The following ARHGEF3 variants were observed in gnomAD, a reference collection of about 807,000 sequenced individuals.
The protein encoded by ARHGEF3 is Rho guanine nucleotide exchange factor 3, also known as 59.8 kDA protein.
In ARHGEF3, 28 loss-of-function variants were observed where a neutral mutation model predicts 63.2. The ratio of observed to expected loss-of-function variants is 0.44; its 90% confidence interval spans 0.33 to 0.61. The LOEUF is 0.61. Among genes scored for constraint, ARHGEF3 ranks in the 20% least tolerant of loss-of-function variants. The probability of loss-of-function intolerance (pLI) is 0.03; values close to 1 mark genes in which losing one functional copy is unlikely to be tolerated. For synonymous variants in ARHGEF3, 266 were observed against 254.2 expected, an observed-to-expected ratio of 1.05 and a Z score of -0.44; for missense variants, 533 against 659.3, an observed-to-expected ratio of 0.81 and a Z score of 2.10.
intron 1 of ARHGEF3, among the ~76,000 whole-genome samples, chr3:56,783,597 GA>G (rs1472961605): frequency 6.6e-6 from 1 of 152,022 alleles, no homozygotes; most frequent in Non-Finnish European, 1.5e-5. Context: ...TTTATGGGCT[GA>G]AAAAAAGAGC....
At chr3:56,760,802 A>G (rs1297003952) in intron 2 of ARHGEF3, among the ~76,000 whole-genome samples, 3 of 152,192 alleles carry the variant, frequency 2.0e-5, no homozygotes, top group African/African-American at 4.8e-5. Flanking sequence ...ATATAAATCT[A>G]CTTAAGGAAA....
chr3:56,800,178 T>C (rs1048714504), intron 1 of ARHGEF3, among the ~76,000 whole-genome samples: 3 of 152,218 alleles, frequency 2.0e-5, no homozygotes, highest in Non-Finnish European at 2.9e-5. Flanking sequence ...AAGGGACTGG[T>C]TAGAGTCCTC....
intron 4 of ARHGEF3, among the ~76,000 whole-genome samples, chr3:56,841,820 G>A (rs2039317046): frequency 6.6e-6 from 1 of 151,936 alleles, no homozygotes. Context: ...TGTGTGGAGC[G>A]CCAAAACCCA....
intron 2 of ARHGEF3, among the ~76,000 whole-genome samples, chr3:57,014,271 T>A (rs73088051): frequency 3.3e-5 from 5 of 152,088 alleles, no homozygotes; most frequent in South Asian, 4.2e-4. Flanking sequence ...ACTGTAACAC[T>A]CACTGTGAGG....
intron 1 of ARHGEF3, among the ~76,000 whole-genome samples, chr3:57,058,370 C>G (rs929911480): frequency 6.6e-6 from 1 of 152,204 alleles, no homozygotes; most frequent in Non-Finnish European, 1.5e-5. Flanking sequence ...CTGTGATGCT[C>G]TCGGCGTCCA....
intron 1 of ARHGEF3, among the ~76,000 whole-genome samples, chr3:57,069,027 T>C (rs1018629390): frequency 6.6e-6 from 1 of 151,484 alleles, no homozygotes; most frequent in Admixed American, 6.6e-5. Context: ...GTTCAAGCAA[T>C]TCTCTGCCTC....
intron 2 of ARHGEF3, among the ~76,000 whole-genome samples, chr3:56,968,222 TAATATA>T (rs1178920845): frequency 2.0e-4 from 4 of 19,554 alleles, no homozygotes; most frequent in Non-Finnish European, 4.9e-4. Flanking sequence ...ATATTATATA[TAATATA>T]TATATAAATA....
chr3:56,886,445 A>G lies in ARHGEF3; in HGVS notation c.130-4091T>C, dbSNP rs145792966. Among the ~76,000 whole-genome samples, 598 of 152,276 alleles carry G rather than the reference A, an allele frequency of 3.9e-3. 2 individuals are homozygous for G. Among genetic ancestry groups the G allele is most frequent in the Middle Eastern group, 0.024 (7 of 294 alleles). ...ACAGATGGAAACACCACATAAAGAC[A>G]TTTCACGCTCTACCCAGGAACTGGG... is the stretch of plus-strand genomic sequence containing the variant. On this transcript the variant is annotated intron_variant, in intron 3 of 12. Coordinates refer to the ARHGEF3 transcript ENST00000338458.
chr3:56,971,800 G>A (rs890662318), intron 2 of ARHGEF3, among the ~76,000 whole-genome samples: 5 of 152,122 alleles, frequency 3.3e-5, no homozygotes, highest in Admixed American at 3.3e-4. Flanking sequence ...CTTGCAGTGA[G>A]CTGAGATGGT....
At chr3:56,823,986 GA>G (rs5849170) in intron 4 of ARHGEF3, among the ~76,000 whole-genome samples, 85,788 of 125,796 alleles carry the variant, frequency 0.68, 29,465 homozygotes, top group South Asian at 0.8. Context: ...TTGAGGAAAG[GA>G]AAAAAAAAAA....
At chr3:57,002,840 C>T (rs578080163) in intron 2 of ARHGEF3, among the ~76,000 whole-genome samples, 15 of 148,310 alleles carry the variant, frequency 1.0e-4, no homozygotes, top group African/African-American at 3.5e-4. Context: ...GTGGCGCAAT[C>T]TTGGCTCACT....
intron 2 of ARHGEF3, among the ~76,000 whole-genome samples, chr3:56,995,934 C>T (rs1458730020): frequency 2.0e-5 from 3 of 152,120 alleles, no homozygotes; most frequent in Admixed American, 1.3e-4. Context: ...ACCATTAACT[C>T]CCACCTGTGA....
At chr3:56,991,080 T>C (rs1701728513) in intron 2 of ARHGEF3, among the ~76,000 whole-genome samples, 1 of 152,188 alleles carries the variant, frequency 6.6e-6, no homozygotes, top group African/African-American at 2.4e-5. Flanking sequence ...GCTAGATTCC[T>C]GCCATGTCTT....
At chr3:56,782,904 A>G (rs1217821459) in intron 1 of ARHGEF3, among the ~76,000 whole-genome samples, 1 of 152,234 alleles carries the variant, frequency 6.6e-6, no homozygotes, top group Non-Finnish European at 1.5e-5. Flanking sequence ...ACTCTCAGGT[A>G]CATAAAACTG....
intron 1 of ARHGEF3, among the ~76,000 whole-genome samples, chr3:56,790,050 T>C (rs1257922370): frequency 6.6e-6 from 1 of 152,238 alleles, no homozygotes; most frequent in Non-Finnish European, 1.5e-5. Flanking sequence ...AATCCAGTCC[T>C]CTCATTCCAG....
chr3:56,738,828 T>C (rs977788107), intron 7 of ARHGEF3, among the ~76,000 whole-genome samples: 5 of 152,092 alleles, frequency 3.3e-5, no homozygotes, highest in Non-Finnish European at 7.4e-5. Context: ...CGGTGGCTCA[T>C]GCCTGTGATC....
intron 2 of ARHGEF3, among the ~76,000 whole-genome samples, chr3:56,959,942 C>G (rs915219858): frequency 3.3e-5 from 5 of 152,310 alleles, no homozygotes; most frequent in African/African-American, 1.2e-4. Flanking sequence ...TGCACCACTG[C>G]ACTCAGCCTG....
chr3:56,818,493 T>A (rs4681702), intron 4 of ARHGEF3, among the ~76,000 whole-genome samples: 148,990 of 152,326 alleles, frequency 0.98, 72,957 homozygotes, highest in East Asian at 1. Flanking sequence ...GCAAGCACTC[T>A]ATAGATGCTG....
At chr3:57,066,501 G>A (rs1411973305) in intron 1 of ARHGEF3, among the ~76,000 whole-genome samples, 2 of 152,184 alleles carry the variant, frequency 1.3e-5, no homozygotes, top group Admixed American at 1.3e-4. Flanking sequence ...GACCTCAAGT[G>A]ATCCATCCGC....
Sources: gnomAD v4.1 joint callset for allele counts (sites outside exome capture counted in the v4.1 genomes callset) on GRCh38, gnomAD v4.1.1 for gene constraint, MANE v1.5 for transcripts, NCBI Gene and HGNC (gene_info 2026-07-23, HGNC 2026-07-21) for gene names.